The following KAZN variants were observed in gnomAD, a reference collection of about 807,000 sequenced individuals.
KAZN encodes the protein kazrin, periplakin interacting protein.
Under a neutral mutation model 87.4 loss-of-function variants are expected in KAZN, and 40 were observed. That is an observed-to-expected ratio of 0.46 (90% CI 0.36 to 0.60). The LOEUF (loss-of-function observed/expected upper bound fraction) is 0.60, where lower values mean the gene tolerates loss of function less well. Ranked by LOEUF, KAZN falls within the 20% of genes least tolerant of loss-of-function variation. The probability of loss-of-function intolerance (pLI) is 0.00; values close to 1 mark genes in which losing one functional copy is unlikely to be tolerated. For synonymous variants in KAZN, 466 were observed against 458.3 expected (o/e 1.02, Z -0.22); for missense variants, 898 against 1,073.9 (o/e 0.84, Z 2.29).
At chr1:14,761,003 GC>G in intron 1 of KAZN, among the ~76,000 whole-genome samples, 1 of 152,326 alleles carries the variant, frequency 6.6e-6, no homozygotes, top group Non-Finnish European at 1.5e-5. Flanking sequence ...AAGACAGGCA[GC>G]GGGCCAGATT....
At chr1:14,010,393 C>T (rs1385982687) in intron 1 of KAZN, among the ~76,000 whole-genome samples, 3 of 152,302 alleles carry the variant, frequency 2.0e-5, no homozygotes, top group African/African-American at 7.2e-5. Flanking sequence ...AGTGTTGAAA[C>T]TGTAACGTAT....
intron 1 of KAZN, among the ~76,000 whole-genome samples, chr1:14,805,151 G>A (rs1646166534): frequency 6.6e-6 from 1 of 152,160 alleles, no homozygotes; most frequent in South Asian, 2.1e-4. Flanking sequence ...GTCCTGGAAG[G>A]CAGTAAACAA....
At chr1:14,929,955 C>A in intron 1 of KAZN, 15 of 985,464 alleles carry the variant, frequency 1.5e-5, no homozygotes, top group Non-Finnish European at 1.8e-5. Context: ...TGTGGCAATT[C>A]CCCAGAGCCC....
chr1:14,974,792 G>A (rs1170347646), intron 2 of KAZN, among the ~76,000 whole-genome samples: 3 of 152,236 alleles, frequency 2.0e-5, no homozygotes, highest in East Asian at 1.9e-4. Context: ...CTGTAGGAAC[G>A]TGGGCTTATT....
At chr1:14,086,783 C>T (rs780138813) in intron 1 of KAZN, among the ~76,000 whole-genome samples, 5 of 152,026 alleles carry the variant, frequency 3.3e-5, no homozygotes, top group East Asian at 3.9e-4. Context: ...TCCAATTGTT[C>T]GAGGATAATT....
At position 14,353,024 on chromosome 1, in the gene KAZN, A is replaced by G. The variant is rs77090575; in HGVS notation, c.249+172432A>G. Among the ~76,000 whole-genome samples the G allele has an allele frequency of 3.6e-3, 553 of 152,324 alleles. 22 individuals carry two copies. In the East Asian group the frequency reaches 0.086, roughly 24 times the overall value. On this transcript the variant is annotated intron_variant, in intron 2 of 16. Coordinates refer to the KAZN transcript ENST00000636203. ...CTAGGGATAGGAGGAGATTTCCTCA[A>G]TCTGTTAAAGAGCATCTACAGTAAT... is the stretch of plus-strand genomic sequence containing the variant.
chr1:14,054,098 A>AG (rs1230292685), intron 1 of KAZN, among the ~76,000 whole-genome samples: 1 of 151,314 alleles, frequency 6.6e-6, no homozygotes, highest in Non-Finnish European at 1.5e-5. Flanking sequence ...TTTGTCCGTG[A>AG]GTTTTTTTTT....
At chr1:14,241,597 G>A (rs191877083) in intron 2 of KAZN, among the ~76,000 whole-genome samples, 12 of 152,258 alleles carry the variant, frequency 7.9e-5, no homozygotes, top group African/African-American at 2.9e-4. Context: ...AGCCAGCCAC[G>A]GTGCTGTTCC....
At chr1:14,078,811 G>C (rs1315086065) in intron 1 of KAZN, among the ~76,000 whole-genome samples, 1 of 151,982 alleles carries the variant, frequency 6.6e-6, no homozygotes, top group Non-Finnish European at 1.5e-5. Flanking sequence ...CAACCTCCCT[G>C]GTAGCTGGGA....
chr1:14,681,268 C>A (rs1304800099), intron 1 of KAZN, among the ~76,000 whole-genome samples: 1 of 152,190 alleles, frequency 6.6e-6, no homozygotes, highest in Non-Finnish European at 1.5e-5. Context: ...TCTATTCATT[C>A]TCCTATTGAT....
intron 1 of KAZN, among the ~76,000 whole-genome samples, chr1:14,787,539 C>T (rs1156774652): frequency 6.6e-6 from 1 of 152,208 alleles, no homozygotes; most frequent in Non-Finnish European, 1.5e-5. Flanking sequence ...AATGTTTGAA[C>T]AAATGCATGT....
chr1:14,344,160 ATTCTTTTTT>A lies in KAZN; in HGVS notation c.249+163571_249+163579del, dbSNP rs1286720283. Among the ~76,000 whole-genome samples, 8 of 92,784 alleles carry A rather than the reference ATTCTTTTTT, an allele frequency of 8.6e-5. No individual in the cohort carries two copies. The South Asian group carries it at 8.8e-4, about 10-fold the overall frequency. The allele number at this position is 92,784 out of a possible 152,430, so 60.9% of individuals were successfully genotyped here. A position where few individuals can be genotyped will look rare whatever the true frequency, so the allele number is the denominator to read the frequency against. On this transcript the variant is annotated intron_variant, in intron 2 of 16. Coordinates refer to the KAZN transcript ENST00000636203. ...TATTGATTCACTTATCCATTCATGT[ATTCTTTTTT>A]TTTTTTTTTTTGACAAATATTTACT...
intron 2 of KAZN, among the ~76,000 whole-genome samples, chr1:14,425,170 G>A (rs1571615116): frequency 6.6e-6 from 1 of 152,136 alleles, no homozygotes; most frequent in Admixed American, 6.5e-5. Context: ...GCTGGGCAGG[G>A]GCTGGCCAAG....
At chr1:14,634,516 A>G (rs970699654) in intron 1 of KAZN, among the ~76,000 whole-genome samples, 2 of 152,224 alleles carry the variant, frequency 1.3e-5, no homozygotes, top group African/African-American at 2.4e-5. Context: ...ATTTCTGATC[A>G]TTCAAGAGAA....
intron 1 of KAZN, among the ~76,000 whole-genome samples, chr1:14,905,626 ACAAGGTCAGGAGATCGAGACCAT>A (rs1313135703): frequency 6.6e-6 from 1 of 152,160 alleles, no homozygotes; most frequent in East Asian, 1.9e-4. Flanking sequence ...AGGGCGGATC[ACAAGGTCAGGAGATCGAGACCAT>A]CCTGGCCAAC....
At chr1:14,228,515 C>T (rs1239750586) in intron 2 of KAZN, among the ~76,000 whole-genome samples, 3 of 152,114 alleles carry the variant, frequency 2.0e-5, no homozygotes, top group African/African-American at 7.2e-5. Context: ...GCCATTTGCT[C>T]AGAGAAGGGC....
At chr1:14,120,034 A>G (rs1644716948) in intron 1 of KAZN, among the ~76,000 whole-genome samples, 1 of 152,184 alleles carries the variant, frequency 6.6e-6, no homozygotes, top group African/African-American at 2.4e-5. Context: ...CAGGAGACAG[A>G]TCATAAGGAC....
At position 14,930,112 on chromosome 1, in the gene KAZN, G is replaced by T. The variant is rs12046721; in HGVS notation, c.227-30572G>T. ...CACTGAGTCTGGCCTAAGCAGCGGG[G>T]AGCTGGTGGGCTCTGGGTGGGGCCC... On this transcript the variant is annotated intron_variant, in intron 1 of 14. Coordinates refer to ENST00000376030, the MANE Select transcript of KAZN (RefSeq NM_201628.3). The T allele has an allele frequency of 0.098, 96,651 of 981,832 alleles. 5,524 individuals carry two copies. Among genetic ancestry groups the T allele is most frequent in the East Asian group, 0.28 (2,423 of 8,748 alleles). 60.8% of individuals were successfully genotyped at this position (981,832 alleles called of 1,614,324 possible).
At chr1:14,522,983 C>T (rs143767042) in intron 2 of KAZN, among the ~76,000 whole-genome samples, 5 of 152,252 alleles carry the variant, frequency 3.3e-5, no homozygotes, top group Admixed American at 6.5e-5. Flanking sequence ...GCTCCCTGTC[C>T]GCCTGTAATT....
Sources: gnomAD v4.1 joint callset for allele counts (sites outside exome capture counted in the v4.1 genomes callset) on GRCh38, gnomAD v4.1.1 for gene constraint, MANE v1.5 for transcripts, NCBI Gene and HGNC (gene_info 2026-07-23, HGNC 2026-07-21) for gene names.